Variants in ZNF564 observed in about 807,000 individuals in gnomAD.
ZNF564 encodes the protein zinc finger protein 564.
In ZNF564, 5 loss-of-function variants were observed where a neutral mutation model predicts 10.5. The ratio of observed to expected loss-of-function variants is 0.48; its 90% CI spans 0.25 to 1.00. ZNF564 has a LOEUF of 1.00. ZNF564 is among the 50% of genes least tolerant of loss of function. ZNF564 has a pLI of 0.16. For missense variants in ZNF564, 603 were observed against 669.7 expected (o/e 0.90, Z 1.10); for synonymous variants, 242 against 218.1 (o/e 1.11, Z -0.97).
chr19:12,536,890 T>C (rs939918027), intron 1 of ZNF564, among the ~76,000 whole-genome samples: 6 of 152,206 alleles, frequency 3.9e-5, no homozygotes, highest in Non-Finnish European at 7.3e-5. Context: ...AGATGGTTTT[T>C]AGTATATATG....
intron 2 of ZNF564, 67 bp from the exon 3 acceptor site, chr19:12,528,431 G>A (rs2021735777): frequency 1.3e-6 from 2 of 1,574,208 alleles, no homozygotes; most frequent in East Asian, 4.5e-5. Flanking sequence ...TAGATTCTAA[G>A]TTCATGATAA....
At chr19:12,548,767 A>G in intron 1 of ZNF564, 2 of 700,894 alleles carry the variant, frequency 2.9e-6, no homozygotes, top group Non-Finnish European at 2.6e-6. Flanking sequence ...CTAATATTTA[A>G]TATTTCAAAG....
intron 2 of ZNF564, 36 bp downstream of exon 2, chr19:12,528,534 C>T (rs771977407): frequency 1.2e-6 from 2 of 1,607,898 alleles, no homozygotes; most frequent in East Asian, 2.2e-5. Context: ...TACTTCTTCT[C>T]TAACTGACTA....
intron 1 of ZNF564, among the ~76,000 whole-genome samples, chr19:12,532,103 T>C (rs1490776349): frequency 6.6e-6 from 1 of 152,058 alleles, no homozygotes; most frequent in Non-Finnish European, 1.5e-5. Context: ...TGGTCCCAGC[T>C]ACTTAGGAGG....
chr19:12,550,874 G>A (rs1208961574), intron 1 of ZNF564, among the ~76,000 whole-genome samples: 1 of 152,154 alleles, frequency 6.6e-6, no homozygotes, highest in Non-Finnish European at 1.5e-5. Context: ...AAAAAAACGG[G>A]AGTCGTAGGT....
intron 1 of ZNF564, among the ~76,000 whole-genome samples, chr19:12,543,249 CTGA>C (rs2022091164): frequency 7.1e-6 from 1 of 140,610 alleles, no homozygotes; most frequent in Non-Finnish European, 1.5e-5. Context: ...TTGCAGTGAG[CTGA>C]TATCACACCA....
chr19:12,540,204 A>G (rs2022015291), intron 1 of ZNF564, among the ~76,000 whole-genome samples: 1 of 152,186 alleles, frequency 6.6e-6, no homozygotes. Context: ...GCTTCTAGGA[A>G]TCATTTCAAG....
At chr19:12,529,425 G>GAA (rs2021756288) in intron 1 of ZNF564, among the ~76,000 whole-genome samples, 1 of 151,638 alleles carries the variant, frequency 6.6e-6, no homozygotes, top group Non-Finnish European at 1.5e-5. Context: ...CCAACACAGT[G>GAA]AAACCCCGTC....
chr19:12,526,174 A>G lies in ZNF564; in HGVS notation c.*272T>C, dbSNP rs560867208. ...GCATGAAGCCTAATGTTTAAACTCA[A>G]ACTCCAAAGTGTCATCTCAATATCA... On this transcript the variant is annotated 3_prime_UTR_variant, in exon 4 of 4. Transcript: ENST00000339282. 125 of 313,764 alleles carry G rather than the reference A, an allele frequency of 4.0e-4. No individual in the cohort carries two copies. The highest frequency in any genetic ancestry group is 1.9e-3 in the Middle Eastern group (2 of 1,026). 19.4% of individuals were successfully genotyped at this position (313,764 alleles called of 1,614,324 possible).
chr19:12,536,447 C>A (rs2021915137), intron 1 of ZNF564, among the ~76,000 whole-genome samples: 1 of 152,176 alleles, frequency 6.6e-6, no homozygotes, highest in Non-Finnish European at 1.5e-5. Flanking sequence ...AAAGTGCTGA[C>A]ATGGCAGGCG....
chr19:12,525,736 CATTT>C lies in ZNF564; in HGVS notation c.*706_*709del, dbSNP rs1056924234. The C allele has an allele frequency of 9.2e-5, 14 of 152,160 alleles. No individual in the cohort carries two copies. The highest frequency in any genetic ancestry group is 3.1e-4 in the African/African-American group (13 of 41,418). The allele number at this position is 152,160 out of a possible 1,614,324, so 9.4% of individuals were successfully genotyped here. On this transcript the variant is annotated 3_prime_UTR_variant, in exon 4 of 4. Transcript: ENST00000339282. ...TTGGAAAGCTTAATTAATCAACAAA[CATTT>C]ATTTCTCATGGTTTGGGAGGCTGGG...
intron 1 of ZNF564, among the ~76,000 whole-genome samples, chr19:12,550,025 G>A (rs1289556652): frequency 6.6e-6 from 1 of 152,228 alleles, no homozygotes; most frequent in Non-Finnish European, 1.5e-5. Context: ...GGGCGCGGTG[G>A]CTCACGCCTG....
intron 1 of ZNF564, among the ~76,000 whole-genome samples, chr19:12,537,522 T>C (rs905774644): frequency 1.3e-5 from 2 of 152,064 alleles, no homozygotes; most frequent in African/African-American, 4.8e-5. Flanking sequence ...GCGGATCACC[T>C]GAGGTCGGGA....
intron 1 of ZNF564, 107 bp from the exon 2 acceptor site, chr19:12,528,803 C>A (rs1599277053): frequency 1.5e-6 from 2 of 1,297,800 alleles, no homozygotes; most frequent in African/African-American, 3.0e-5. Flanking sequence ...GTGGCTCATG[C>A]CTGTAATCCC....
At chr19:12,532,534 C>CAAA (rs35579003) in intron 1 of ZNF564, among the ~76,000 whole-genome samples, 982 of 38,760 alleles carry the variant, frequency 0.025, 43 homozygotes, top group African/African-American at 0.062. Flanking sequence ...GACTCCGTCT[C>CAAA]AAAAAAAAAA....
intron 1 of ZNF564, among the ~76,000 whole-genome samples, chr19:12,530,949 T>C (rs988260738): frequency 6.6e-6 from 1 of 152,068 alleles, no homozygotes; most frequent in Non-Finnish European, 1.5e-5. Flanking sequence ...AAATTTTTTG[T>C]AGAGATGGGG....
chr19:12,537,811 T>C (rs1445070771), intron 1 of ZNF564, among the ~76,000 whole-genome samples: 6 of 151,976 alleles, frequency 3.9e-5, no homozygotes. Flanking sequence ...TCAGTGACAA[T>C]GTATAAAAAT....
chr19:12,526,843 T>G lies in ZNF564; in HGVS notation c.1265A>C (p.Glu422Ala). The G allele has an allele frequency of 1.2e-6, 2 of 1,614,080 alleles. No homozygotes were observed. The highest frequency in any genetic ancestry group is 1.7e-6 in the Non-Finnish European group (2 of 1,179,990). The change falls in exon 4 of 4, where the codon GAA (glutamate) becomes GCA (alanine). Residue 422 changes from glutamate (E) to alanine (A), a missense_variant. Glu to Ala is a moderately radical substitution (Grantham distance 107). Transcript: ENST00000339282. Reference sequence around the variant, plus strand: ...GAAGGCTTTCCCACATACCTGACATTCATAGGGTTTCTCTCCAGTGTGAGT... The same window carrying G: ...GAAGGCTTTCCCACATACCTGACATGCATAGGGTTTCTCTCCAGTGTGAGT... ...ERTHTGEKPY[E>A]CQVCGKAFIS...
intron 1 of ZNF564, among the ~76,000 whole-genome samples, chr19:12,531,244 C>T (rs1363326913): frequency 6.6e-6 from 1 of 152,042 alleles, no homozygotes. Context: ...TAACCTTTAA[C>T]AAGAATTCTG....
Sources: gnomAD v4.1 joint callset for allele counts (sites outside exome capture counted in the v4.1 genomes callset) on GRCh38, gnomAD v4.1.1 for gene constraint, MANE v1.5 for transcripts, NCBI Gene and HGNC (gene_info 2026-07-23, HGNC 2026-07-21) for gene names.